Variants in LRMDA observed in about 807,000 individuals in gnomAD.
LRMDA encodes the protein leucine rich melanocyte differentiation associated, also known as leucine-rich melanocyte differentiation-associated protein.
A neutral mutation model predicts 29.8 loss-of-function variants in LRMDA; 18 were observed. The observed-to-expected ratio is 0.60, with a 90% CI of 0.42 to 0.90. The LOEUF is 0.90. Among genes scored for constraint, LRMDA ranks in the 40% least tolerant of loss-of-function variants. The probability of loss-of-function intolerance (pLI) is 0.00; values close to 1 mark genes in which losing one functional copy is unlikely to be tolerated. For missense variants in LRMDA, 273 were observed against 273.9 expected (o/e 1.00, Z 0.02); for synonymous variants, 125 against 109.4 (o/e 1.14, Z -0.89).
intron 2 of LRMDA, among the ~76,000 whole-genome samples, chr10:75,559,554 A>C (rs1440368973): frequency 6.7e-6 from 1 of 148,684 alleles, no homozygotes; most frequent in African/African-American, 2.5e-5. Context: ...CCATTAGTCA[A>C]TTTTGGCTTT....
At chr10:76,386,879 C>T (rs1227894203) in intron 6 of LRMDA, among the ~76,000 whole-genome samples, 1 of 151,902 alleles carries the variant, frequency 6.6e-6, no homozygotes, top group Non-Finnish European at 1.5e-5. Flanking sequence ...AACAAAAAAT[C>T]CAGTAGAAAT....
At chr10:75,705,201 CA>C (rs1466547552) in intron 2 of LRMDA, among the ~76,000 whole-genome samples, 5 of 152,174 alleles carry the variant, frequency 3.3e-5, no homozygotes, top group African/African-American at 1.2e-4. Context: ...CTTCTGGTAA[CA>C]AAACCCCAGT....
chr10:75,449,167 A>AG (rs1844430677), intron 2 of LRMDA, among the ~76,000 whole-genome samples: 1 of 152,032 alleles, frequency 6.6e-6, no homozygotes, highest in Non-Finnish European at 1.5e-5. Context: ...AAAAAAAAAA[A>AG]AAAAAGAAGT....
chr10:76,409,767 A>G (rs1302564374), intron 6 of LRMDA, among the ~76,000 whole-genome samples: 2 of 152,222 alleles, frequency 1.3e-5, no homozygotes, highest in Admixed American at 1.3e-4. Flanking sequence ...TGTAATAGCA[A>G]CACTAAAGTG....
chr10:76,168,994 G>T (rs933303529), intron 5 of LRMDA, among the ~76,000 whole-genome samples: 1 of 152,152 alleles, frequency 6.6e-6, no homozygotes, highest in African/African-American at 2.4e-5. Flanking sequence ...ACAAGGTGGG[G>T]AGAAAAGAAG....
intron 5 of LRMDA, among the ~76,000 whole-genome samples, chr10:76,303,578 T>C (rs2132365401): frequency 6.6e-6 from 1 of 152,192 alleles, no homozygotes; most frequent in South Asian, 2.1e-4. Flanking sequence ...TCTTCCACTA[T>C]CATTTAGTGG....
intron 5 of LRMDA, among the ~76,000 whole-genome samples, chr10:76,113,871 A>G (rs996074933): frequency 3.9e-5 from 6 of 152,188 alleles, no homozygotes; most frequent in Admixed American, 1.3e-4. Flanking sequence ...AGAGCTCAGC[A>G]TTGTGCCCTC....
chr10:76,482,479 A>G (rs1275770839), intron 6 of LRMDA, among the ~76,000 whole-genome samples: 1 of 151,902 alleles, frequency 6.6e-6, no homozygotes, highest in Non-Finnish European at 1.5e-5. Context: ...TTCGGGCCAA[A>G]ATTATGTTTA....
intron 5 of LRMDA, among the ~76,000 whole-genome samples, chr10:76,158,111 T>G (rs1262533970): frequency 6.6e-6 from 1 of 152,156 alleles, no homozygotes; most frequent in Non-Finnish European, 1.5e-5. Flanking sequence ...TATGTTTTCC[T>G]TTTCTATGAT....
At chr10:75,686,288 C>G (rs192885336) in intron 2 of LRMDA, among the ~76,000 whole-genome samples, 2 of 152,296 alleles carry the variant, frequency 1.3e-5, no homozygotes. Context: ...GGCCGGGAAT[C>G]TACCCAGAGT....
chr10:76,001,596 A>G (rs1847563854), intron 2 of LRMDA, among the ~76,000 whole-genome samples: 1 of 152,000 alleles, frequency 6.6e-6, no homozygotes, highest in African/African-American at 2.4e-5. Flanking sequence ...TTCTGTTGAA[A>G]TTTAATGAAA....
At chr10:76,365,848 A>G (rs1841386165) in intron 6 of LRMDA, among the ~76,000 whole-genome samples, 1 of 152,152 alleles carries the variant, frequency 6.6e-6, no homozygotes, top group Non-Finnish European at 1.5e-5. Flanking sequence ...GGTTTTTCCA[A>G]TGTTATCTTC....
chr10:76,429,389 A>G (rs1442626688), intron 6 of LRMDA, among the ~76,000 whole-genome samples: 1 of 152,110 alleles, frequency 6.6e-6, no homozygotes, highest in Non-Finnish European at 1.5e-5. Flanking sequence ...CATGCACAAT[A>G]TTTCTCCCCT....
intron 2 of LRMDA, among the ~76,000 whole-genome samples, chr10:75,878,654 A>G (rs749951765): frequency 1.3e-5 from 2 of 151,984 alleles, no homozygotes; most frequent in Non-Finnish European, 2.9e-5. Flanking sequence ...GGGTGTAAAA[A>G]CAGGAGTGCC....
intron 2 of LRMDA, among the ~76,000 whole-genome samples, chr10:75,592,175 A>G (rs972907925): frequency 6.6e-6 from 1 of 152,110 alleles, no homozygotes; most frequent in Non-Finnish European, 1.5e-5. Flanking sequence ...ACAGGTTCAA[A>G]GCAGGGAGGA....
chr10:75,775,908 G>T (rs992314351), intron 2 of LRMDA, among the ~76,000 whole-genome samples: 1 of 152,220 alleles, frequency 6.6e-6, no homozygotes, highest in Admixed American at 6.5e-5. Context: ...TGAGGCAGAA[G>T]AAAAGTGTAG....
chr10:75,641,651 G>A (rs1039009421), intron 2 of LRMDA, among the ~76,000 whole-genome samples: 3 of 151,714 alleles, frequency 2.0e-5, no homozygotes, highest in Non-Finnish European at 4.4e-5. Context: ...TGTTGCCTAC[G>A]CTGGTCTGGA....
intron 2 of LRMDA, among the ~76,000 whole-genome samples, chr10:75,556,896 T>C (rs1432607387): frequency 6.6e-6 from 1 of 151,848 alleles, no homozygotes; most frequent in Non-Finnish European, 1.5e-5. Flanking sequence ...TATAGATAAA[T>C]TAAAATTCTA....
At chr10:75,840,123 C>T (rs190105089) in intron 2 of LRMDA, among the ~76,000 whole-genome samples, 1 of 152,228 alleles carries the variant, frequency 6.6e-6, no homozygotes, top group East Asian at 1.9e-4. Context: ...TCCAATTCTA[C>T]TTCTTTCCCT....
Sources: gnomAD v4.1 joint callset for allele counts (sites outside exome capture counted in the v4.1 genomes callset) on GRCh38, gnomAD v4.1.1 for gene constraint, MANE v1.5 for transcripts, NCBI Gene and HGNC (gene_info 2026-07-23, HGNC 2026-07-21) for gene names.